Variants in PRMT8 observed in about 807,000 individuals in gnomAD.
The protein encoded by PRMT8 is protein arginine methyltransferase 8, also known as protein arginine N-methyltransferase 8.
A neutral mutation model predicts 47.1 loss-of-function variants in PRMT8; 7 were observed. The ratio of observed to expected loss-of-function variants is 0.15; its 90% CI spans 0.08 to 0.28. The LOEUF (loss-of-function observed/expected upper bound fraction) is 0.28, where lower values mean the gene tolerates loss of function less well. Among genes scored for constraint, PRMT8 ranks in the 10% least tolerant of loss-of-function variants. The pLI, the probability that PRMT8 is intolerant of heterozygous loss-of-function variation, is 1.00. For synonymous variants in PRMT8, 188 were observed against 186.5 expected, an observed-to-expected ratio of 1.01 and a Z score of -0.07; for missense variants, 237 against 505.4, an observed-to-expected ratio of 0.47 and a Z score of 5.09.
chr12:3,404,839 A>T (rs1204191535), intron 1 of PRMT8, among the ~76,000 whole-genome samples: 1 of 152,184 alleles, frequency 6.6e-6, no homozygotes, highest in African/African-American at 2.4e-5. Flanking sequence ...ATGCATATAG[A>T]TTTATAATTG....
Position 3,491,352 on chromosome 12 carries a change from C to A in PRMT8, c.-274C>A. On this transcript the variant is annotated 5_prime_UTR_variant, in exon 1 of 10. Coordinates refer to ENST00000382622, the MANE Select transcript of PRMT8 (RefSeq NM_019854.5). ...TGCTTCCCTCGAGCTTAGCCCGCAG[C>A]GCGGGTGGAGAGGGGCGGGGAGGGG... 1 of 1,173,542 alleles carries A rather than the reference C, an allele frequency of 8.5e-7. No homozygotes were observed. The highest frequency in any genetic ancestry group is 1.1e-6 in the Non-Finnish European group (1 of 949,570). 72.7% of individuals were successfully genotyped at this position (1,173,542 alleles called of 1,614,324 possible). A position where few individuals can be genotyped will look rare whatever the true frequency, so the allele number is the denominator to read the frequency against.
intron 1 of PRMT8, among the ~76,000 whole-genome samples, chr12:3,483,384 A>C (rs1383872909): frequency 6.6e-6 from 1 of 152,220 alleles, no homozygotes; most frequent in Non-Finnish European, 1.5e-5. Flanking sequence ...GATACCTGGA[A>C]GATCCAAGAA....
intron 4 of PRMT8, among the ~76,000 whole-genome samples, chr12:3,562,481 C>T (rs1591604062): frequency 6.6e-6 from 1 of 152,072 alleles, no homozygotes; most frequent in Non-Finnish European, 1.5e-5. Context: ...CAAACAAAAT[C>T]ACAACATCAT....
intron 1 of PRMT8, among the ~76,000 whole-genome samples, chr12:3,449,541 A>G (rs531232173): frequency 2.0e-5 from 3 of 152,222 alleles, no homozygotes; most frequent in Admixed American, 2.0e-4. Context: ...TCTTCTTTTG[A>G]GAAATGTCTG....
At chr12:3,562,599 T>G (rs999719520) in intron 4 of PRMT8, among the ~76,000 whole-genome samples, 9 of 152,246 alleles carry the variant, frequency 5.9e-5, no homozygotes, top group African/African-American at 2.2e-4. Flanking sequence ...TGTCACACAC[T>G]GCCTGCCAAG....
Position 3,456,379 on chromosome 12 carries a change from A to G in PRMT8, c.48+74937A>G, listed in dbSNP as rs747731342. Reference sequence around the variant, plus strand: ...GGATCGTGGATCCCCTTCCCGAGGGAAAAACCCTAGCACCCACATATCCAT... The same window carrying G: ...GGATCGTGGATCCCCTTCCCGAGGGGAAAACCCTAGCACCCACATATCCAT... On this transcript the variant is annotated intron_variant, in intron 1 of 9. Coordinates refer to the PRMT8 transcript ENST00000452611. This position sits in a 1 kb window ranked among gnomAD's most constrained non-coding sequence, Gnocchi z 4.2. 1.3e-5 allele frequency among the ~76,000 whole-genome samples: 2 copies of G among 152,164 alleles called. No individual in the cohort carries two copies. Among genetic ancestry groups the G allele is most frequent in the Admixed American group, 1.3e-4 (2 of 15,280 alleles).
At chr12:3,384,186 G>T (rs1425231146) in intron 1 of PRMT8, among the ~76,000 whole-genome samples, 1 of 151,822 alleles carries the variant, frequency 6.6e-6, no homozygotes, top group African/African-American at 2.4e-5. Flanking sequence ...TCACCATTAA[G>T]TATAATGTGA....
upstream of PRMT8, among the ~76,000 whole-genome samples, chr12:3,487,288 C>T (rs1273950524): frequency 3.3e-5 from 5 of 152,194 alleles, no homozygotes; most frequent in Admixed American, 1.3e-4. Context: ...TAATATGTCG[C>T]CCCTTTCAGC....
intron 1 of PRMT8, among the ~76,000 whole-genome samples, chr12:3,533,582 T>A (rs1469508836): frequency 2.0e-5 from 3 of 152,234 alleles, no homozygotes; most frequent in African/African-American, 7.2e-5. Flanking sequence ...CCCCAGACTC[T>A]GGGCTTCCAG....
chr12:3,491,879 TGTGTGTGTG>T (rs1865413553), intron 1 of PRMT8, among the ~76,000 whole-genome samples, 179 bp downstream of exon 1: 1 of 97,374 alleles, frequency 1.0e-5, no homozygotes, highest in Non-Finnish European at 2.0e-5. Flanking sequence ...TGTGTGTGTG[TGTGTGTGTG>T]TTGGTGGGGG....
chr12:3,506,013 A>G (rs10744617), intron 1 of PRMT8, among the ~76,000 whole-genome samples: 149,982 of 152,314 alleles, frequency 0.98, 73,891 homozygotes, highest in East Asian at 1. Flanking sequence ...GAAGGACAAT[A>G]AATAACTAAA....
chr12:3,518,901 G>C (rs933926711), intron 1 of PRMT8, among the ~76,000 whole-genome samples: 1 of 152,128 alleles, frequency 6.6e-6, no homozygotes, highest in Non-Finnish European at 1.5e-5. Flanking sequence ...AAGCTGGGCT[G>C]ATATTACTAA....
intron 1 of PRMT8, among the ~76,000 whole-genome samples, chr12:3,462,063 G>GC (rs1208487731): frequency 6.6e-6 from 1 of 151,866 alleles, no homozygotes; most frequent in Non-Finnish European, 1.5e-5. Flanking sequence ...TCTCCGATAG[G>GC]CCCCAGTGTG....
At chr12:3,451,034 C>CA in intron 1 of PRMT8, among the ~76,000 whole-genome samples, 2 of 3,584 alleles carry the variant, frequency 5.6e-4, no homozygotes, top group African/African-American at 1.5e-3. Context: ...CTTGCTGACA[C>CA]CCCCCCCCCC....
chr12:3,516,645 C>T (rs1252541342), intron 1 of PRMT8, among the ~76,000 whole-genome samples: 2 of 152,092 alleles, frequency 1.3e-5, no homozygotes, highest in Admixed American at 6.5e-5. Context: ...TGAATAAAGA[C>T]TTGAGTGAGG....
Position 3,461,797 on chromosome 12 carries a change from C to T in PRMT8, c.49-78809C>T, listed in dbSNP as rs79033194. Among the ~76,000 whole-genome samples, 1,499 of 152,160 alleles carry T rather than the reference C, an allele frequency of 9.9e-3. 14 individuals carry two copies. Among genetic ancestry groups the T allele is most frequent in the South Asian group, 0.034 (162 of 4,820 alleles). ...TTTAAAGAGTTTACTTGAACCAAAACGAGGACAACTGCCTGAAAGACTCTG... is the reference window on the plus strand; with the variant it reads ...TTTAAAGAGTTTACTTGAACCAAAATGAGGACAACTGCCTGAAAGACTCTG... On this transcript the variant is annotated intron_variant, in intron 1 of 9. Transcript: ENST00000452611.
chr12:3,581,670 G>A (rs1013934888), intron 7 of PRMT8, among the ~76,000 whole-genome samples: 1 of 152,166 alleles, frequency 6.6e-6, no homozygotes, highest in East Asian at 1.9e-4. Context: ...GCATTTGAAT[G>A]TGACCTCACC....
intron 1 of PRMT8, among the ~76,000 whole-genome samples, chr12:3,419,947 G>A (rs551756263): frequency 3.4e-5 from 5 of 147,938 alleles, no homozygotes; most frequent in Middle Eastern, 3.4e-3. Context: ...CAGGAATGGG[G>A]GGGTGGTTTG....
At chr12:3,490,757 T>A (rs1329776002), upstream of PRMT8, among the ~76,000 whole-genome samples, 1 of 135,872 alleles carries the variant, frequency 7.4e-6, no homozygotes, top group Non-Finnish European at 1.6e-5. Context: ...ACCCCTAGAG[T>A]TGAAGGAGTT....
Sources: allele counts gnomAD v4.1 joint callset (sites outside exome capture counted in the v4.1 genomes callset), GRCh38; gene constraint gnomAD v4.1.1; non-coding constraint Gnocchi (gnomAD v3.1); transcripts MANE v1.5; gene names NCBI Gene and HGNC (gene_info 2026-07-23, HGNC 2026-07-21).